MYO3B: variants seen among roughly 807,000 people sequenced by gnomAD.
MYO3B encodes myosin IIIB, also known as myosin-IIIb.
A neutral mutation model predicts 174.6 loss-of-function variants in MYO3B; 156 were observed. That is an observed-to-expected ratio of 0.89 (90% confidence interval 0.78 to 1.02). The LOEUF is 1.02. Ranked by LOEUF, MYO3B falls within the 50% of genes least tolerant of loss-of-function variation. The pLI, the probability that MYO3B is intolerant of heterozygous loss-of-function variation, is 0.00. For missense variants in MYO3B, 1,632 were observed against 1,639.4 expected, an observed-to-expected ratio of 1.00 and a Z score of 0.08; for synonymous variants, 563 against 569.1, an observed-to-expected ratio of 0.99 and a Z score of 0.15.
At chr2:170,311,647 G>A (rs980688601) in intron 7 of MYO3B, among the ~76,000 whole-genome samples, 1 of 151,432 alleles carries the variant, frequency 6.6e-6, no homozygotes, top group Non-Finnish European at 1.5e-5. Flanking sequence ...TGTTGCTTGT[G>A]CTTTTGGTGT....
At position 170,372,136 on chromosome 2, in the gene MYO3B, A is replaced by AAC. The variant is rs1466058770; in HGVS notation, c.971+2760_971+2761insCA. Among the ~76,000 whole-genome samples the AAC allele has an allele frequency of 1.1e-3, 163 of 148,440 alleles. 1 individual carries two copies. Among genetic ancestry groups the AAC allele is most frequent in the Non-Finnish European group, 1.9e-3 (128 of 66,704 alleles). On this transcript the variant is annotated intron_variant, in intron 9 of 34. Transcript: ENST00000408978. ...CCTGTCTCAAAAAAAAAAAAAAAAA[A>AAC]AAAAAAAAACAACAACAACAAAGAA...
intron 32 of MYO3B, among the ~76,000 whole-genome samples, chr2:170,566,533 T>C (rs560921194): frequency 2.0e-5 from 3 of 152,326 alleles, no homozygotes; most frequent in African/African-American, 7.2e-5. Context: ...AACTAAATAT[T>C]ACTGATCTTA....
intron 7 of MYO3B, among the ~76,000 whole-genome samples, chr2:170,238,289 G>A (rs1256751962): frequency 2.0e-5 from 3 of 152,100 alleles, no homozygotes; most frequent in Non-Finnish European, 4.4e-5. Flanking sequence ...TTTTAAAAAG[G>A]CATTCAAATT....
rs566662218 is a variant in MYO3B at position 170,471,207 on chromosome 2, G to GC, written c.3014+4499dup. Among the ~76,000 whole-genome samples, 928 of 151,906 alleles carry GC rather than the reference G, an allele frequency of 6.1e-3. 5 individuals are homozygous for GC. Among genetic ancestry groups the GC allele is most frequent in the Non-Finnish European group, 9.8e-3 (669 of 67,928 alleles). On this transcript the variant is annotated intron_variant, in intron 25 of 34. Coordinates refer to ENST00000408978, the MANE Select transcript of MYO3B (RefSeq NM_138995.5). ...TGGGATTACAGGCATCTGCCACCATGCCCTGCTAATTTTTGTATTTTTAAT... is the reference window on the plus strand; with the variant it reads ...TGGGATTACAGGCATCTGCCACCATGCCCCTGCTAATTTTTGTATTTTTAAT...
intron 25 of MYO3B, among the ~76,000 whole-genome samples, chr2:170,481,379 A>G (rs1170591894): frequency 1.3e-5 from 2 of 152,152 alleles, no homozygotes; most frequent in African/African-American, 4.8e-5. Flanking sequence ...GAGCCCAGTC[A>G]TTCGAGACCT....
At chr2:170,422,697 C>T (rs1016556851) in intron 22 of MYO3B, among the ~76,000 whole-genome samples, 1 of 151,928 alleles carries the variant, frequency 6.6e-6, no homozygotes, top group African/African-American at 2.4e-5. Context: ...CTCAGGTGAT[C>T]CACCCGCCTT....
chr2:170,207,494 T>C (rs1239718475), intron 3 of MYO3B, among the ~76,000 whole-genome samples: 2 of 152,118 alleles, frequency 1.3e-5, no homozygotes, highest in African/African-American at 2.4e-5. Context: ...AAAAAACTTT[T>C]ACCTTTCTGC....
chr2:170,284,018 T>C (rs771981714), intron 7 of MYO3B, among the ~76,000 whole-genome samples: 1 of 152,198 alleles, frequency 6.6e-6, no homozygotes, highest in Non-Finnish European at 1.5e-5. Flanking sequence ...CACACATATA[T>C]GCTACTTCTA....
chr2:170,400,369 G>A (rs891799470), intron 17 of MYO3B, 55 bp downstream of exon 17: 2 of 1,594,184 alleles, frequency 1.3e-6, no homozygotes, highest in Non-Finnish European at 1.7e-6. Flanking sequence ...GCTTCTTTAG[G>A]CTCTGTAAAA....
At chr2:170,477,894 C>T (rs2106001120) in intron 25 of MYO3B, among the ~76,000 whole-genome samples, 1 of 152,142 alleles carries the variant, frequency 6.6e-6, no homozygotes, top group East Asian at 1.9e-4. Flanking sequence ...TTCAGCTGTT[C>T]AGCGATGTCA....
chr2:170,451,009 A>G (rs556810342), intron 23 of MYO3B, among the ~76,000 whole-genome samples: 5 of 152,320 alleles, frequency 3.3e-5, no homozygotes, highest in East Asian at 3.9e-4. Flanking sequence ...TAAACCTTCA[A>G]TTTTGTCCCT....
chr2:170,447,222 C>T (rs752543203), intron 23 of MYO3B, among the ~76,000 whole-genome samples: 13 of 152,206 alleles, frequency 8.5e-5, no homozygotes, highest in Non-Finnish European at 1.6e-4. Flanking sequence ...ACTCTATCAG[C>T]TCCAACACAT....
At chr2:170,358,898 A>C (rs139900053) in intron 8 of MYO3B, among the ~76,000 whole-genome samples, 1 of 152,176 alleles carries the variant, frequency 6.6e-6, no homozygotes, top group Non-Finnish European at 1.5e-5. Flanking sequence ...AAAAGCTATC[A>C]GTTCTATTTT....
At chr2:170,652,917 C>T in intron 34 of MYO3B, 66 bp from the exon 35 acceptor site, 1 of 1,582,098 alleles carries the variant, frequency 6.3e-7, no homozygotes, top group Non-Finnish European at 8.7e-7. Flanking sequence ...ACTTTAGCTG[C>T]CCCAGTGATG....
At chr2:170,414,500 A>G (rs2094565948) in intron 22 of MYO3B, among the ~76,000 whole-genome samples, 1 of 152,176 alleles carries the variant, frequency 6.6e-6, no homozygotes, top group South Asian at 2.1e-4. Context: ...GGAAATCTTA[A>G]AATCAGGTAG....
At position 170,524,530 on chromosome 2, in the gene MYO3B, C is replaced by T. The variant is rs748964529; in HGVS notation, c.3575+4990C>T. 30 of 447,268 alleles carry T rather than the reference C, an allele frequency of 6.7e-5. 1 individual carries two copies. The highest frequency in any genetic ancestry group is 2.9e-4 in the South Asian group (18 of 62,920). The allele number at this position is 447,268 out of a possible 1,614,324, so 27.7% of individuals were successfully genotyped here. ...ATGGAGTTTCACTCTGTTGCTCAGG[C>T]TGGAGTGCAATAGCATGATCTCAGC... is the stretch of plus-strand genomic sequence containing the variant. On this transcript the variant is annotated intron_variant, in intron 30 of 34. Coordinates refer to ENST00000408978, the MANE Select transcript of MYO3B (RefSeq NM_138995.5).
chr2:170,229,248 ACC>A (rs1361788082), intron 6 of MYO3B, among the ~76,000 whole-genome samples: 8 of 152,260 alleles, frequency 5.3e-5, no homozygotes, highest in Admixed American at 1.3e-4. Flanking sequence ...TTGCCTTCCT[ACC>A]TCTCAGCCCA....
intron 32 of MYO3B, among the ~76,000 whole-genome samples, chr2:170,612,353 G>A (rs1333125813): frequency 6.6e-6 from 1 of 152,202 alleles, no homozygotes; most frequent in Non-Finnish European, 1.5e-5. Context: ...GGGCCTTATG[G>A]ACAGCAGGGC....
chr2:170,381,895 C>G, intron 9 of MYO3B, 121 bp from the exon 10 acceptor site: 1 of 758,258 alleles, frequency 1.3e-6, no homozygotes, highest in Non-Finnish European at 2.2e-6. Flanking sequence ...ACTTCCTGTC[C>G]CTGTCTCTGA....
Sources: allele counts gnomAD v4.1 joint callset (sites outside exome capture counted in the v4.1 genomes callset), GRCh38; gene constraint gnomAD v4.1.1; transcripts MANE v1.5; gene names NCBI Gene and HGNC (gene_info 2026-07-23, HGNC 2026-07-21).